The following NAV3 variants were observed in gnomAD, a reference collection of about 807,000 sequenced individuals.
NAV3 encodes the protein neuron navigator 3.
NAV3 carries 87 observed loss-of-function variants against 244.7 expected under a neutral mutation model. The ratio of observed to expected loss-of-function variants is 0.36; its 90% CI spans 0.30 to 0.42. The LOEUF (loss-of-function observed/expected upper bound fraction) is 0.42, where lower values mean the gene tolerates loss of function less well. Ranked by LOEUF, NAV3 falls within the 20% of genes least tolerant of loss-of-function variation. The probability of loss-of-function intolerance (pLI) is 1.00; values close to 1 mark genes in which losing one functional copy is unlikely to be tolerated. For missense variants in NAV3, 2,663 were observed against 2,893.3 expected (o/e 0.92, Z 1.83); for synonymous variants, 1,126 against 1,042.2 (o/e 1.08, Z -1.55).
intron 1 of NAV3, among the ~76,000 whole-genome samples, chr12:77,899,419 G>A (rs995691465): frequency 3.9e-5 from 6 of 152,068 alleles, no homozygotes; most frequent in Non-Finnish European, 8.8e-5. Context: ...CTGATCAATC[G>A]GCAGCTGTTG....
intron 12 of NAV3, among the ~76,000 whole-genome samples, chr12:78,068,824 G>A (rs1464287590): frequency 6.6e-6 from 1 of 151,286 alleles, no homozygotes; most frequent in Non-Finnish European, 1.5e-5. Context: ...ACTTATATGA[G>A]GGAAAAAGGA....
chr12:77,707,374 C>A (rs186786656), intron 2 of NAV3, among the ~76,000 whole-genome samples: 1 of 152,100 alleles, frequency 6.6e-6, no homozygotes, highest in South Asian at 2.1e-4. Context: ...CATGTCCCTA[C>A]AAAGGACATG....
At chr12:77,993,815 C>A (rs1031778524) in intron 5 of NAV3, among the ~76,000 whole-genome samples, 11 of 152,098 alleles carry the variant, frequency 7.2e-5, no homozygotes, top group Admixed American at 6.6e-5. Flanking sequence ...TCCTTGGAGG[C>A]CTTGAAAACT....
chr12:78,173,869 C>CAT (rs1219735128), intron 24 of NAV3, among the ~76,000 whole-genome samples: 2 of 151,494 alleles, frequency 1.3e-5, no homozygotes. Context: ...TACACACACA[C>CAT]ATATATATGT....
Position 78,187,778 on chromosome 12 carries a change from T to A in NAV3, c.5791-470T>A, listed in dbSNP as rs964924001. ...TCTAGATTAAAATTAATAAAACAAC[T>A]GAGTTTTGGACTTATCAAAGGTAAG... On this transcript the variant is annotated intron_variant, in intron 31 of 39. Transcript: ENST00000397909. Among the ~76,000 whole-genome samples, 34 of 151,874 alleles carry A rather than the reference T, an allele frequency of 2.2e-4. No homozygotes were observed. In the Admixed American group the frequency reaches 2.2e-3, roughly 10 times the overall value.
At chr12:77,662,243 A>G (rs1873490321) in intron 2 of NAV3, among the ~76,000 whole-genome samples, 1 of 151,464 alleles carries the variant, frequency 6.6e-6, no homozygotes, top group African/African-American at 2.4e-5. Context: ...CTATCTATCT[A>G]TCTATCTATC....
At chr12:78,196,052 A>T (rs913077054) in intron 34 of NAV3, among the ~76,000 whole-genome samples, 1 of 152,088 alleles carries the variant, frequency 6.6e-6, no homozygotes, top group Non-Finnish European at 1.5e-5. Flanking sequence ...GTAGATAGAC[A>T]GTGCATATTT....
chr12:77,793,452 C>T (rs971864681), intron 2 of NAV3, among the ~76,000 whole-genome samples: 6 of 152,152 alleles, frequency 3.9e-5, no homozygotes, highest in Admixed American at 3.9e-4. Flanking sequence ...AGGTATTTGT[C>T]CTAATGCTTT....
chr12:78,136,726 A>C (rs989207990), intron 18 of NAV3, among the ~76,000 whole-genome samples: 1 of 152,182 alleles, frequency 6.6e-6, no homozygotes, highest in African/African-American at 2.4e-5. Context: ...AGTGACTGAG[A>C]GTATTTGCCT....
chr12:77,584,360 G>A (rs371495418), intron 2 of NAV3, among the ~76,000 whole-genome samples: 3 of 151,864 alleles, frequency 2.0e-5, no homozygotes, highest in East Asian at 3.9e-4. Flanking sequence ...TTTAATAAAA[G>A]GTAAACAAAA....
chr12:77,872,393 C>G (rs1881112836), intron 1 of NAV3, among the ~76,000 whole-genome samples: 1 of 152,066 alleles, frequency 6.6e-6, no homozygotes, highest in Non-Finnish European at 1.5e-5. Flanking sequence ...TGCTATGCTT[C>G]TGAAAAACAA....
chr12:77,940,045 T>A (rs1889719218), intron 1 of NAV3, among the ~76,000 whole-genome samples: 1 of 151,970 alleles, frequency 6.6e-6, no homozygotes, highest in Admixed American at 6.6e-5. Context: ...GCAATGGGAG[T>A]TTCCTCAGTA....
chr12:77,837,201 C>A (rs1266369602), intron 1 of NAV3, among the ~76,000 whole-genome samples: 2 of 150,736 alleles, frequency 1.3e-5, no homozygotes, highest in Non-Finnish European at 3.0e-5. Flanking sequence ...TAAAAACATT[C>A]TTTTGAGGAA....
chr12:78,064,050 T>C (rs1884661877), intron 12 of NAV3, among the ~76,000 whole-genome samples: 1 of 152,114 alleles, frequency 6.6e-6, no homozygotes, highest in Non-Finnish European at 1.5e-5. Context: ...AGGGATGAGA[T>C]AAAGACAGGT....
intron 2 of NAV3, among the ~76,000 whole-genome samples, chr12:77,816,888 G>T (rs1424388788): frequency 1.3e-5 from 2 of 152,080 alleles, no homozygotes; most frequent in Non-Finnish European, 2.9e-5. Context: ...AGCTTTCCAG[G>T]GAACATTTAA....
chr12:77,954,927 T>C (rs1238993169), intron 3 of NAV3, among the ~76,000 whole-genome samples: 1 of 152,174 alleles, frequency 6.6e-6, no homozygotes, highest in African/African-American at 2.4e-5. Context: ...ACTGATCATT[T>C]CCCTTTTTTG....
intron 2 of NAV3, among the ~76,000 whole-genome samples, chr12:77,677,556 A>G (rs879471466): frequency 2.0e-5 from 3 of 152,238 alleles, no homozygotes; most frequent in Admixed American, 2.0e-4. Flanking sequence ...TCCTGACTTC[A>G]CTTACTAGCT....
At chr12:78,203,887 T>G (rs1594040712) in intron 38 of NAV3, among the ~76,000 whole-genome samples, 1 of 151,026 alleles carries the variant, frequency 6.6e-6, no homozygotes. Context: ...CAGGCTGCCC[T>G]TTCTAGTTTG....
At chr12:77,659,457 A>T (rs1398950704) in intron 2 of NAV3, among the ~76,000 whole-genome samples, 4 of 152,176 alleles carry the variant, frequency 2.6e-5, no homozygotes, top group Non-Finnish European at 5.9e-5. Context: ...AAGTCAAGAA[A>T]CAACAGGTGC....
Sources: gnomAD v4.1 joint callset for allele counts (sites outside exome capture counted in the v4.1 genomes callset) on GRCh38, gnomAD v4.1.1 for gene constraint, MANE v1.5 for transcripts, NCBI Gene and HGNC (gene_info 2026-07-23, HGNC 2026-07-21) for gene names.